SLC39A14: variants seen among roughly 807,000 people sequenced by gnomAD.
SLC39A14 encodes the protein solute carrier family 39 member 14.
SLC39A14 carries 19 observed loss-of-function variants against 45.5 expected under a neutral mutation model. The observed-to-expected ratio is 0.42, with a 90% CI of 0.29 to 0.61. The LOEUF is 0.61. Among genes scored for constraint, SLC39A14 ranks in the 20% least tolerant of loss-of-function variants. SLC39A14 has a pLI of 0.22. For synonymous variants in SLC39A14, 264 were observed against 251.3 expected (o/e 1.05, Z -0.48); for missense variants, 447 against 616.5 (o/e 0.73, Z 2.91).
At chr8:22,427,976 C>T (rs1396168635) in intron 8 of SLC39A14, among the ~76,000 whole-genome samples, 2 of 151,900 alleles carry the variant, frequency 1.3e-5, no homozygotes, top group Admixed American at 6.6e-5. Flanking sequence ...GAGACCAGCC[C>T]AGGCAACAGT....
At chr8:22,410,024 A>T in intron 3 of SLC39A14, 1 of 1,614,114 alleles carries the variant, frequency 6.2e-7, no homozygotes, top group Non-Finnish European at 8.5e-7. Context: ...CCCTGCACAG[A>T]GAAAGCGTTT....
chr8:22,384,103 G>A (rs924791910), intron 1 of SLC39A14, among the ~76,000 whole-genome samples: 2 of 152,154 alleles, frequency 1.3e-5, no homozygotes, highest in African/African-American at 4.8e-5. Flanking sequence ...GTGAACTGGT[G>A]TGTGCAGTGG....
At chr8:22,371,548 C>G (rs1832938405) in intron 1 of SLC39A14, among the ~76,000 whole-genome samples, 2 of 149,778 alleles carry the variant, frequency 1.3e-5, no homozygotes, top group Admixed American at 6.7e-5. Flanking sequence ...ATTCTCTGCC[C>G]CAGCCTCCCA....
chr8:22,400,894 A>G (rs1834815436), intron 1 of SLC39A14, among the ~76,000 whole-genome samples: 1 of 152,364 alleles, frequency 6.6e-6, no homozygotes, highest in South Asian at 2.1e-4. Flanking sequence ...AACCCTGCTG[A>G]TTTATAAGTC....
At position 22,418,983 on chromosome 8, in the gene SLC39A14, C is replaced by T. The variant is rs920763195; in HGVS notation, c.1333-569C>T. ...GTTTGAGGCTGCAGTGAGCTATGTT[C>T]GCACCACTGCACTCGAGCCTGGGCA... On this transcript the variant is annotated intron_variant, in intron 8 of 8. Coordinates refer to ENST00000381237, the MANE Select transcript of SLC39A14 (RefSeq NM_001128431.4). Among the ~76,000 whole-genome samples the T allele has an allele frequency of 5.3e-5, 8 of 151,444 alleles. No homozygotes were observed. The South Asian group carries it at 1.0e-3, about 20-fold the overall frequency.
chr8:22,401,719 A>G (rs552659069), intron 1 of SLC39A14, among the ~76,000 whole-genome samples: 2 of 151,716 alleles, frequency 1.3e-5, no homozygotes, highest in South Asian at 2.1e-4. Context: ...TATTTTTACT[A>G]CAGACGGGGT....
chr8:22,402,768 CA>C (rs754943496), intron 1 of SLC39A14, among the ~76,000 whole-genome samples: 16,493 of 82,652 alleles, frequency 0.2, 2,287 homozygotes, highest in African/African-American at 0.45. Context: ...GACTCCATTT[CA>C]AAAAAAAAAA....
chr8:22,393,859 G>T (rs1462824940), intron 1 of SLC39A14, among the ~76,000 whole-genome samples: 1 of 152,098 alleles, frequency 6.6e-6, no homozygotes. Context: ...TTTTTATAGA[G>T]ACAGGGTTTC....
chr8:22,398,022 A>G (rs921342110), intron 1 of SLC39A14, among the ~76,000 whole-genome samples: 32 of 152,082 alleles, frequency 2.1e-4, no homozygotes, highest in African/African-American at 7.7e-4. Context: ...TGAGAACCAG[A>G]CGGCTCATTT....
At chr8:22,397,544 C>G (rs1458611263) in intron 1 of SLC39A14, among the ~76,000 whole-genome samples, 1 of 152,038 alleles carries the variant, frequency 6.6e-6, no homozygotes, top group Non-Finnish European at 1.5e-5. Flanking sequence ...CGCCGCTGCA[C>G]TCCGGCCTGG....
At chr8:22,380,061 C>G (rs1410116668) in intron 1 of SLC39A14, among the ~76,000 whole-genome samples, 3 of 151,744 alleles carry the variant, frequency 2.0e-5, no homozygotes, top group Non-Finnish European at 4.4e-5. Context: ...TATAAGTAAC[C>G]TAGAGATGGT....
intron 1 of SLC39A14, among the ~76,000 whole-genome samples, chr8:22,386,576 C>G (rs1229830126): frequency 6.6e-6 from 1 of 152,178 alleles, no homozygotes; most frequent in East Asian, 1.9e-4. Context: ...CCAGATGACT[C>G]TTTCATTAAG....
At chr8:22,379,190 A>G (rs1333160700) in intron 1 of SLC39A14, among the ~76,000 whole-genome samples, 13 of 152,192 alleles carry the variant, frequency 8.5e-5, no homozygotes, top group Admixed American at 6.5e-4. Flanking sequence ...TTATAAAGAC[A>G]TAGGTCATTG....
chr8:22,424,392 C>G (rs1470010437), downstream of SLC39A14, among the ~76,000 whole-genome samples: 6 of 152,158 alleles, frequency 3.9e-5, no homozygotes, highest in Non-Finnish European at 7.3e-5. Flanking sequence ...AATCTTATGA[C>G]TACCTCCATT....
chr8:22,397,461 C>G (rs1289690545), intron 1 of SLC39A14, among the ~76,000 whole-genome samples: 1 of 152,060 alleles, frequency 6.6e-6, no homozygotes, highest in Non-Finnish European at 1.5e-5. Context: ...GCCTGTAGTC[C>G]CAGCTACTCG....
At chr8:22,403,945 C>G (rs1184317304) in intron 1 of SLC39A14, among the ~76,000 whole-genome samples, 1 of 143,002 alleles carries the variant, frequency 7.0e-6, no homozygotes, top group South Asian at 2.2e-4. Context: ...CAAACAAAAA[C>G]TAGACAGAGA....
At chr8:22,376,881 A>G (rs541338380) in intron 1 of SLC39A14, among the ~76,000 whole-genome samples, 13 of 150,024 alleles carry the variant, frequency 8.7e-5, no homozygotes, top group South Asian at 4.2e-4. Flanking sequence ...ATGTCTGGGG[A>G]AAAAAAAAAT....
At chr8:22,407,141 A>G (rs144861783) in intron 2 of SLC39A14, among the ~76,000 whole-genome samples, 31 of 152,290 alleles carry the variant, frequency 2.0e-4, no homozygotes, top group African/African-American at 7.2e-4. Context: ...CTGTGAACAC[A>G]TATGTCTTTC....
At chr8:22,423,207 G>A (rs956708030), downstream of SLC39A14, among the ~76,000 whole-genome samples, 3 of 151,978 alleles carry the variant, frequency 2.0e-5, no homozygotes, top group African/African-American at 7.3e-5. Flanking sequence ...GCATTGGCAC[G>A]ATCTCGGTTC....
Sources: gnomAD v4.1 joint callset for allele counts (sites outside exome capture counted in the v4.1 genomes callset) on GRCh38, gnomAD v4.1.1 for gene constraint, MANE v1.5 for transcripts, NCBI Gene and HGNC (gene_info 2026-07-23, HGNC 2026-07-21) for gene names.